The following PUM1 variants were observed in gnomAD, a reference collection of about 807,000 sequenced individuals.
PUM1 encodes pumilio RNA binding family member 1.
In PUM1, 13 loss-of-function variants were observed where a neutral mutation model predicts 131.8. That is an observed-to-expected ratio of 0.10 (90% CI 0.06 to 0.16). PUM1 has a LOEUF of 0.16. PUM1 is among the 10% of genes least tolerant of loss of function. The pLI, the probability that PUM1 is intolerant of heterozygous loss-of-function variation, is 1.00. For missense variants in PUM1, 961 were observed against 1,512.4 expected, an observed-to-expected ratio of 0.64 and a Z score of 6.05; for synonymous variants, 509 against 556.5, an observed-to-expected ratio of 0.91 and a Z score of 1.20.
intron 7 of PUM1, among the ~76,000 whole-genome samples, chr1:30,990,814 A>G (rs1375068834): frequency 1.3e-5 from 2 of 152,340 alleles, no homozygotes; most frequent in South Asian, 2.1e-4. Flanking sequence ...TGAATCCAAC[A>G]AGAGATTAAC....
chr1:30,960,515 C>G (rs1372742561), intron 14 of PUM1, among the ~76,000 whole-genome samples: 1 of 152,152 alleles, frequency 6.6e-6, no homozygotes, highest in Non-Finnish European at 1.5e-5. Flanking sequence ...CACCCAAAAA[C>G]CATTAGAACT....
chr1:31,038,666 C>G lies in PUM1; in HGVS notation c.364-9802G>C, dbSNP rs973033472. On this transcript the variant is annotated intron_variant, in intron 2 of 21. Coordinates refer to ENST00000426105, the MANE Select transcript of PUM1 (RefSeq NM_001020658.2). The stretch of plus-strand genomic sequence containing the variant: ...GTTCTTTAAGATGATTCTTATCCTT[C>G]TTTAAAACACGCATACAAATACACA... Among the ~76,000 whole-genome samples the G allele has an allele frequency of 2.6e-5, 4 of 152,004 alleles. No homozygotes were observed. In the East Asian group the frequency reaches 7.7e-4, roughly 29 times the overall value.
At chr1:31,009,859 G>A (rs1237947286) in intron 3 of PUM1, among the ~76,000 whole-genome samples, 2 of 150,604 alleles carry the variant, frequency 1.3e-5, no homozygotes, top group Admixed American at 1.3e-4. Context: ...TGTAAATATA[G>A]TCTTATCCAT....
At chr1:31,049,387 G>A (rs1392545724) in intron 2 of PUM1, among the ~76,000 whole-genome samples, 4 of 151,722 alleles carry the variant, frequency 2.6e-5, no homozygotes, top group Non-Finnish European at 5.9e-5. Flanking sequence ...ATGGTAGCAT[G>A]TGCCGGTAAT....
At chr1:31,000,059 G>C (rs1642149837) in intron 5 of PUM1, among the ~76,000 whole-genome samples, 1 of 152,220 alleles carries the variant, frequency 6.6e-6, no homozygotes, top group Non-Finnish European at 1.5e-5. Flanking sequence ...ACCAGAGATT[G>C]ATCTGATTGG....
chr1:30,951,489 T>C (rs982489961), intron 16 of PUM1, among the ~76,000 whole-genome samples: 1 of 152,162 alleles, frequency 6.6e-6, no homozygotes, highest in African/African-American at 2.4e-5. Flanking sequence ...TGTTTTGTGG[T>C]AGGTAATGTG....
chr1:30,979,528 G>A (rs151143161), intron 9 of PUM1, among the ~76,000 whole-genome samples: 6 of 150,124 alleles, frequency 4.0e-5, no homozygotes, highest in Middle Eastern at 3.4e-3. Flanking sequence ...CCCCCACCCC[G>A]ACTCCAAGTA....
At chr1:31,029,916 A>C (rs1643358074) in intron 2 of PUM1, among the ~76,000 whole-genome samples, 1 of 18,928 alleles carries the variant, frequency 5.3e-5, no homozygotes, top group South Asian at 2.5e-3. Context: ...CCTTTTTCAA[A>C]AAAAAAAAAA....
At chr1:31,026,775 G>A (rs985464262) in intron 3 of PUM1, among the ~76,000 whole-genome samples, 1 of 152,090 alleles carries the variant, frequency 6.6e-6, no homozygotes, top group African/African-American at 2.4e-5. Flanking sequence ...ATCAGATAAT[G>A]CATAAAAGCC....
intron 20 of PUM1, among the ~76,000 whole-genome samples, chr1:30,938,398 G>A (rs1161089947): frequency 5.3e-5 from 8 of 152,146 alleles, no homozygotes; most frequent in South Asian, 2.1e-4. Context: ...GACTATAGGC[G>A]TGTGCCACCA....
chr1:30,944,402 CAAAA>C (rs1639585930), intron 18 of PUM1, among the ~76,000 whole-genome samples: 2 of 151,606 alleles, frequency 1.3e-5, no homozygotes, highest in East Asian at 1.9e-4. Context: ...TGGAAAAAAA[CAAAA>C]CAAACAAACA....
intron 9 of PUM1, among the ~76,000 whole-genome samples, chr1:30,977,354 C>T (rs995279706): frequency 3.9e-5 from 6 of 152,296 alleles, no homozygotes; most frequent in Admixed American, 2.0e-4. Context: ...CCGTATCTAC[C>T]TTGAATGAGT....
chr1:30,978,774 CTT>C lies in PUM1; in HGVS notation c.1354+1286_1354+1287del, dbSNP rs1353694501. On this transcript the variant is annotated intron_variant, in intron 9 of 21. Coordinates refer to ENST00000426105, the MANE Select transcript of PUM1 (RefSeq NM_001020658.2). The stretch of plus-strand genomic sequence containing the variant: ...ACAGTCAAATAACAAAGATGCCTGT[CTT>C]TTAAAAATCTAGTCTCAAGGGAAAG... 2.6e-5 allele frequency among the ~76,000 whole-genome samples: 4 copies of C among 152,090 alleles called. No homozygotes were observed. In the East Asian group the frequency reaches 7.7e-4, roughly 29 times the overall value.
At chr1:30,968,311 CT>C (rs1286635271) in intron 11 of PUM1, 42 bp downstream of exon 11, 7 of 1,589,172 alleles carry the variant, frequency 4.4e-6, no homozygotes, top group East Asian at 2.3e-5. Flanking sequence ...AACGTGCAGC[CT>C]TTTTCCCTGC....
chr1:31,044,356 C>T (rs1242151076), intron 2 of PUM1, among the ~76,000 whole-genome samples: 3 of 152,042 alleles, frequency 2.0e-5, no homozygotes, highest in Non-Finnish European at 2.9e-5. Context: ...GAGCTGAGAT[C>T]GTGCCACTGC....
At position 30,967,234 on chromosome 1, in the gene PUM1, A is replaced by C; in HGVS notation, c.1722T>G (p.Gly574=). ...ALVVNAGARN[G]LGAPVRLVAP... The stretch of plus-strand genomic sequence containing the variant: ...CTACAAGTCGAACAGGAGCTCCAAG[A>C]CCATTTCTCGCGCCTGCATTCACTA... The change falls in exon 12 of 22, where the codon GGT becomes GGG. Residue 574 remains glycine, a synonymous_variant. Coordinates refer to ENST00000426105, the MANE Select transcript of PUM1 (RefSeq NM_001020658.2). 1 of 1,614,068 alleles carries C rather than the reference A, an allele frequency of 6.2e-7. No homozygotes were observed. The highest frequency in any genetic ancestry group is 8.5e-7 in the Non-Finnish European group (1 of 1,179,982).
chr1:30,964,037 C>G (rs992923674), intron 14 of PUM1, among the ~76,000 whole-genome samples: 1 of 152,056 alleles, frequency 6.6e-6, no homozygotes, highest in Non-Finnish European at 1.5e-5. Context: ...ATTCTTATAG[C>G]CTGCTGCTTG....
rs775410787 is a variant in PUM1 at position 31,006,953 on chromosome 1, G to C, written c.541+41C>G. On this transcript the variant is annotated intron_variant, in intron 4 of 21. Transcript: ENST00000426105. ...CAATTGCTGAGGAAAGGAGCTCTAA[G>C]ACAGGCATAAATCACAGTACAGATG... is the stretch of plus-strand genomic sequence containing the variant. 8.7e-6 allele frequency: 13 copies of C among 1,486,910 alleles called. No homozygotes were observed. In the South Asian group the frequency reaches 1.5e-4, roughly 17 times the overall value. The allele number at this position is 1,486,910 out of a possible 1,614,324, so 92.1% of individuals were successfully genotyped here. A position where few individuals can be genotyped will look rare whatever the true frequency, so the allele number is the denominator to read the frequency against.
At chr1:31,012,731 A>G (rs1642669795) in intron 3 of PUM1, among the ~76,000 whole-genome samples, 1 of 152,070 alleles carries the variant, frequency 6.6e-6, no homozygotes, top group South Asian at 2.1e-4. Flanking sequence ...GCAAAACCAC[A>G]CTTAACACTT....
Sources: gnomAD v4.1 joint callset for allele counts (sites outside exome capture counted in the v4.1 genomes callset) on GRCh38, gnomAD v4.1.1 for gene constraint, MANE v1.5 for transcripts, NCBI Gene and HGNC (gene_info 2026-07-23, HGNC 2026-07-21) for gene names.